The following HIVEP3 variants were observed in gnomAD, a reference collection of about 807,000 sequenced individuals.
HIVEP3 encodes the protein HIVEP zinc finger 3.
In HIVEP3, 49 loss-of-function variants were observed where a neutral mutation model predicts 152.8. The observed-to-expected ratio is 0.32, with a 90% CI of 0.26 to 0.41. The LOEUF is 0.41. Among genes scored for constraint, HIVEP3 ranks in the 10% least tolerant of loss-of-function variants. HIVEP3 has a pLI of 1.00. For missense variants in HIVEP3, 2,790 were observed against 3,103.3 expected, an observed-to-expected ratio of 0.90 and a Z score of 2.40; for synonymous variants, 1,269 against 1,289.0, an observed-to-expected ratio of 0.98 and a Z score of 0.33.
Position 41,583,787 on chromosome 1 carries a change from G to C in HIVEP3, c.1011C>G (p.Asp337Glu). 6.3e-7 allele frequency: 1 copy of C among 1,591,244 alleles called. No individual in the cohort carries two copies. Among genetic ancestry groups the C allele is most frequent in the Non-Finnish European group, 8.6e-7 (1 of 1,168,228 alleles). ...SQSSTAQSLE[D>E]PPPFVEPSSE... The stretch of plus-strand genomic sequence containing the variant: ...ATGAGGGTTCCACAAATGGAGGGGG[G>C]TCTTCGAGTGACTGGGCTGTGCTGG... Residue 337 changes from aspartate to glutamate, a missense_variant, in exon 4 of 9, where the codon GAC becomes GAG. This residue lies in a region of HIVEP3 where 125 missense variants were observed against 130.1 expected (regional missense o/e 0.96). Transcript: ENST00000372583. The surrounding 1 kb of genome is among the most constrained non-coding windows in gnomAD (Gnocchi z 6.9).
chr1:41,713,611 G>A (rs1283069827), intron 1 of HIVEP3, among the ~76,000 whole-genome samples: 1 of 152,208 alleles, frequency 6.6e-6, no homozygotes, highest in African/African-American at 2.4e-5. Context: ...GGAATCATAG[G>A]TGGAGACAAG....
chr1:41,904,412 A>C (rs1038419019), intron 1 of HIVEP3, among the ~76,000 whole-genome samples: 2 of 152,280 alleles, frequency 1.3e-5, no homozygotes, highest in South Asian at 2.1e-4. Context: ...CCAAATACCC[A>C]GGGCTTGCCC....
intron 3 of HIVEP3, among the ~76,000 whole-genome samples, chr1:41,590,343 G>C (rs568805432): frequency 6.6e-6 from 1 of 152,318 alleles, no homozygotes; most frequent in African/African-American, 2.4e-5. Context: ...CCCCAAGCTG[G>C]GTCTATGGCC....
chr1:41,610,859 G>A (rs1644887028), intron 3 of HIVEP3, among the ~76,000 whole-genome samples: 1 of 152,292 alleles, frequency 6.6e-6, no homozygotes, highest in South Asian at 2.1e-4. Context: ...TGCCTGAGGG[G>A]AGCAGTCATC....
At chr1:41,760,432 G>A (rs764667447) in intron 1 of HIVEP3, among the ~76,000 whole-genome samples, 3 of 152,058 alleles carry the variant, frequency 2.0e-5, no homozygotes, top group South Asian at 2.1e-4. Context: ...TCTCTCTCAC[G>A]TCCACAGGTC....
At chr1:41,950,201 C>A (rs1262387085) in intron 1 of HIVEP3, among the ~76,000 whole-genome samples, 1 of 152,154 alleles carries the variant, frequency 6.6e-6, no homozygotes, top group East Asian at 1.9e-4. Flanking sequence ...ATGGAAGGGA[C>A]AATGATCAGG....
chr1:41,568,746 C>T (rs891764381), intron 5 of HIVEP3, among the ~76,000 whole-genome samples: 3 of 152,198 alleles, frequency 2.0e-5, no homozygotes, highest in African/African-American at 7.2e-5. Flanking sequence ...AATGAAACTG[C>T]CTATGCAGAA....
intron 6 of HIVEP3, among the ~76,000 whole-genome samples, chr1:41,521,087 C>T (rs55865698): frequency 0.45 from 67,722 of 152,052 alleles, 15,754 homozygotes; most frequent in Non-Finnish European, 0.48. Context: ...TGCCACTTGC[C>T]AGCTGTGGGC....
At chr1:41,587,495 T>C (rs969690281) in intron 3 of HIVEP3, among the ~76,000 whole-genome samples, 4 of 152,178 alleles carry the variant, frequency 2.6e-5, no homozygotes, top group African/African-American at 9.6e-5. Flanking sequence ...ACAACAGGAA[T>C]AAACAAAGAC....
At chr1:41,878,084 AC>A (rs1324243043) in intron 1 of HIVEP3, among the ~76,000 whole-genome samples, 1 of 152,238 alleles carries the variant, frequency 6.6e-6, no homozygotes, top group East Asian at 1.9e-4. Flanking sequence ...TACAACTCCT[AC>A]AAAGCCTAAT....
intron 1 of HIVEP3, among the ~76,000 whole-genome samples, chr1:41,889,172 T>C (rs77618641): frequency 0.045 from 6,133 of 137,128 alleles, 416 homozygotes; most frequent in African/African-American, 0.16. Context: ...TCCATATACC[T>C]CACAAACACA....
chr1:41,759,322 G>A (rs1490127454), intron 1 of HIVEP3, among the ~76,000 whole-genome samples: 1 of 151,950 alleles, frequency 6.6e-6, no homozygotes, highest in Non-Finnish European at 1.5e-5. Flanking sequence ...ATGTTTTCAA[G>A]GTTCATCCAT....
At chr1:41,691,604 T>C (rs1646199610) in intron 2 of HIVEP3, among the ~76,000 whole-genome samples, 1 of 152,204 alleles carries the variant, frequency 6.6e-6, no homozygotes, top group South Asian at 2.1e-4. Context: ...CACCTATGAA[T>C]CAGACAGTAG....
chr1:41,605,337 T>G (rs970661099), intron 3 of HIVEP3, among the ~76,000 whole-genome samples: 1 of 151,346 alleles, frequency 6.6e-6, no homozygotes, highest in Non-Finnish European at 1.5e-5. Flanking sequence ...CACATCTTGA[T>G]GTGGTTACAT....
At chr1:41,798,235 A>G (rs1433573781) in intron 1 of HIVEP3, among the ~76,000 whole-genome samples, 1 of 151,970 alleles carries the variant, frequency 6.6e-6, no homozygotes, top group Non-Finnish European at 1.5e-5. Context: ...ACATGTATAC[A>G]TATGTAACAA....
chr1:41,620,336 C>T (rs1404660785), intron 3 of HIVEP3, among the ~76,000 whole-genome samples: 1 of 152,218 alleles, frequency 6.6e-6, no homozygotes, highest in Non-Finnish European at 1.5e-5. Context: ...TTACCCATGA[C>T]ATAGTTTCTT....
At chr1:42,021,068 A>G (rs1645550619) in intron 1 of HIVEP3, among the ~76,000 whole-genome samples, 1 of 152,232 alleles carries the variant, frequency 6.6e-6, no homozygotes, top group East Asian at 1.9e-4. Flanking sequence ...GATATTAAAA[A>G]TGTCATGGGA....
intron 1 of HIVEP3, among the ~76,000 whole-genome samples, chr1:41,974,638 C>A (rs1010450631): frequency 6.6e-6 from 1 of 152,058 alleles, no homozygotes; most frequent in South Asian, 2.1e-4. Context: ...TCTTTTCACA[C>A]CCCTCTTCAC....
chr1:41,506,760 T>C lies in HIVEP3; in HGVS notation c.*3691A>G, dbSNP rs1644387394. ...TATCTACAGTACAATTTTTGGAATG[T>C]ATTGCCATTTAAGAACATAGAAACT... On this transcript the variant is annotated 3_prime_UTR_variant, in exon 9 of 9. Coordinates refer to ENST00000372583, the MANE Select transcript of HIVEP3 (RefSeq NM_024503.5). 1 of 152,226 alleles carries C rather than the reference T, an allele frequency of 6.6e-6. No homozygotes were observed. Among genetic ancestry groups the C allele is most frequent in the South Asian group, 2.1e-4 (1 of 4,822 alleles). 9.4% of individuals were successfully genotyped at this position (152,226 alleles called of 1,614,324 possible). A position where few individuals can be genotyped will look rare whatever the true frequency, so the allele number is the denominator to read the frequency against.
Sources: gnomAD v4.1 joint callset for allele counts (sites outside exome capture counted in the v4.1 genomes callset) on GRCh38, gnomAD v4.1.1 for gene constraint, gnomAD v4.1.1 regional missense constraint, Gnocchi (gnomAD v3.1) non-coding constraint, MANE v1.5 for transcripts, NCBI Gene and HGNC (gene_info 2026-07-23, HGNC 2026-07-21) for gene names.